The following SGTA variants were observed in gnomAD, a reference collection of about 807,000 sequenced individuals.
SGTA encodes the protein small glutamine rich tetratricopeptide repeat co-chaperone alpha.
A neutral mutation model predicts 44.3 loss-of-function variants in SGTA; 22 were observed. The ratio of observed to expected loss-of-function variants is 0.50; its 90% CI spans 0.36 to 0.71. The LOEUF is 0.71. SGTA is among the 30% of genes least tolerant of loss of function. The pLI is 0.00. For synonymous variants in SGTA, 174 were observed against 177.6 expected, an observed-to-expected ratio of 0.98 and a Z score of 0.16; for missense variants, 341 against 435.9, an observed-to-expected ratio of 0.78 and a Z score of 1.94.
chr19:2,769,741 A>C (rs1376879143), intron 1 of SGTA, among the ~76,000 whole-genome samples: 66 of 118,456 alleles, frequency 5.6e-4, no homozygotes, highest in African/African-American at 7.0e-4. Context: ...TCCACCTCAG[A>C]CCCCCCTCTA....
intron 1 of SGTA, among the ~76,000 whole-genome samples, chr19:2,778,249 G>A (rs1177261972): frequency 2.6e-5 from 4 of 152,154 alleles, no homozygotes; most frequent in Admixed American, 2.6e-4. Flanking sequence ...GGGGATGTGC[G>A]TTCCTTCGCA....
Position 2,767,043 on chromosome 19 carries a change from G to A in SGTA, c.292+93C>T, listed in dbSNP as rs937909757. ...ATCAGGGCAATTCCCTCAGCTCCCT[G>A]GGCCCCAGGGACCAGCTGGCCTCTG... On this transcript the variant is annotated intron_variant, in intron 4 of 11. Transcript: ENST00000221566. This position sits in a 1 kb window ranked among gnomAD's most constrained non-coding sequence, Gnocchi z 7.3. 8 of 921,010 alleles carry A rather than the reference G, an allele frequency of 8.7e-6. No homozygotes were observed. The highest frequency in any genetic ancestry group is 1.4e-5 in the South Asian group (1 of 71,268). The allele number at this position is 921,010 out of a possible 1,614,324, so 57.1% of individuals were successfully genotyped here.
Position 2,767,328 on chromosome 19 carries a change from C to T in SGTA, c.208-108G>A. On this transcript the variant is annotated intron_variant, in intron 3 of 11. Transcript: ENST00000221566. This position sits in a 1 kb window ranked among gnomAD's most constrained non-coding sequence, Gnocchi z 7.3. Reference sequence around the variant, plus strand: ...AGAGGGCCACCAAGTTCCGAAGGACCCGGGGGCTCTGCAGGGGACTCCTGG... The same window carrying T: ...AGAGGGCCACCAAGTTCCGAAGGACTCGGGGGCTCTGCAGGGGACTCCTGG... The T allele has an allele frequency of 1.1e-6, 1 of 888,204 alleles. No homozygotes were observed. The highest frequency in any genetic ancestry group is 1.7e-6 in the Non-Finnish European group (1 of 572,948). 55.0% of individuals were successfully genotyped at this position (888,204 alleles called of 1,614,324 possible).
At chr19:2,771,423 A>C (rs1027980069) in intron 1 of SGTA, among the ~76,000 whole-genome samples, 91 of 140,592 alleles carry the variant, frequency 6.5e-4, no homozygotes, top group Non-Finnish European at 1.1e-3. Context: ...ACTCCATGTC[A>C]AAAAAAAAAA....
intron 5 of SGTA, among the ~76,000 whole-genome samples, chr19:2,764,521 C>T (rs539158972): frequency 1.6e-4 from 25 of 152,016 alleles, no homozygotes; most frequent in African/African-American, 5.8e-4. Flanking sequence ...CCTCAGCCTC[C>T]CAGGTAGCTG....
rs573777106 is a variant in SGTA, at chr19:2,761,390, C to T, written c.699+70G>A. 23 of 1,349,470 alleles carry T rather than the reference C, an allele frequency of 1.7e-5. No individual in the cohort carries two copies. The East Asian group carries it at 3.5e-4, about 21-fold the overall frequency. The allele number at this position is 1,349,470 out of a possible 1,614,324, so 83.6% of individuals were successfully genotyped here. ...AAGGCAAGGAAGCCCTGGCCAGTAGCGGACACAGCAGATGCGGGCCTGGGG... is the reference window on the plus strand; with the variant it reads ...AAGGCAAGGAAGCCCTGGCCAGTAGTGGACACAGCAGATGCGGGCCTGGGG... On this transcript the variant is annotated intron_variant, in intron 8 of 11. Transcript: ENST00000221566. This position sits in a 1 kb window ranked among gnomAD's most constrained non-coding sequence, Gnocchi z 5.7.
At chr19:2,757,159 C>G (rs1308127928) in intron 11 of SGTA, among the ~76,000 whole-genome samples, 178 bp downstream of exon 11, 2 of 152,212 alleles carry the variant, frequency 1.3e-5, no homozygotes, top group Non-Finnish European at 2.9e-5. Context: ...GATGCCCCCA[C>G]CTGCCTGGGC....
chr19:2,782,342 G>A (rs552104614), intron 1 of SGTA, among the ~76,000 whole-genome samples: 40 of 152,284 alleles, frequency 2.6e-4, no homozygotes, highest in African/African-American at 9.4e-4. Flanking sequence ...AGAAACAAAA[G>A]AAAATGGGAC....
Position 2,761,874 on chromosome 19 carries a change from C to T in SGTA, c.637-352G>A, listed in dbSNP as rs568549189. Among the ~76,000 whole-genome samples, 9 of 146,016 alleles carry T rather than the reference C, an allele frequency of 6.2e-5. No individual in the cohort carries two copies. Among genetic ancestry groups the T allele is most frequent in the South Asian group, 2.2e-4 (1 of 4,612 alleles). On this transcript the variant is annotated intron_variant, in intron 7 of 11. Coordinates refer to ENST00000221566, the MANE Select transcript of SGTA (RefSeq NM_003021.4). This position sits in a 1 kb window ranked among gnomAD's most constrained non-coding sequence, Gnocchi z 5.7. ...CCGGGGACGGCACAGTCTATCATCC[C>T]GTGTTTATTCCCCGTACAGCGCGAC...
At chr19:2,773,511 C>T (rs368312342) in intron 1 of SGTA, among the ~76,000 whole-genome samples, 1 of 19,812 alleles carries the variant, frequency 5.0e-5, no homozygotes, top group Non-Finnish European at 7.6e-5. Context: ...AGGTGGGTGA[C>T]GCGGCCACAG....
At chr19:2,759,423 C>T in intron 8 of SGTA, 129 bp from the exon 9 acceptor site, 1 of 830,626 alleles carries the variant, frequency 1.2e-6, no homozygotes, top group Non-Finnish European at 2.0e-6. Flanking sequence ...AAGAGCCGGG[C>T]ATTCGGTCTT....
rs751458337 is a variant in SGTA at position 2,757,369 on chromosome 19, C to T, written c.916G>A (p.Ala306Thr). The change falls in exon 11 of 12, where the codon GCC becomes ACC. Residue 306 changes from alanine (A) to threonine (T), a missense_variant. Ala to Thr is a moderately conservative substitution (Grantham distance 58). Coordinates refer to ENST00000221566, the MANE Select transcript of SGTA (RefSeq NM_003021.4). ...CACTCCTGCTGGTCGTCGTTGCTGG[C>T]GCTGGGCGTCCGACTCCGGATCTGG... ...RSQIRSRTPS[A>T]SNDDQQE is the part of the protein sequence containing the mutation. The T allele has an allele frequency of 4.4e-6, 7 of 1,604,948 alleles. No homozygotes were observed. The highest frequency in any genetic ancestry group is 5.1e-6 in the Non-Finnish European group (6 of 1,179,880).
At chr19:2,774,846 C>T (rs1915407031) in intron 1 of SGTA, among the ~76,000 whole-genome samples, 1 of 152,108 alleles carries the variant, frequency 6.6e-6, no homozygotes, top group South Asian at 2.1e-4. Context: ...TTTGCTGAAG[C>T]TGTGTGCGCG....
chr19:2,759,371 T>C (rs1472379275), intron 8 of SGTA, 77 bp from the exon 9 acceptor site: 8 of 1,405,988 alleles, frequency 5.7e-6, no homozygotes, highest in Admixed American at 1.7e-5. Context: ...CTTTCCATCT[T>C]AACCAGCCTT....
chr19:2,761,557 G>A lies in SGTA; in HGVS notation c.637-35C>T, dbSNP rs942674690. 4.6e-6 allele frequency: 7 copies of A among 1,523,718 alleles called. No individual in the cohort carries two copies. The highest frequency in any genetic ancestry group is 2.0e-5 in the Admixed American group (1 of 50,952). The allele number at this position is 1,523,718 out of a possible 1,614,324, so 94.4% of individuals were successfully genotyped here. A position where few individuals can be genotyped will look rare whatever the true frequency, so the allele number is the denominator to read the frequency against. ...AGAACAGCCCTGGTTAGTGGGGCCTGGACCAGAGGCCACGGTGAATAACCC... is the reference window on the plus strand; with the variant it reads ...AGAACAGCCCTGGTTAGTGGGGCCTAGACCAGAGGCCACGGTGAATAACCC... On this transcript the variant is annotated intron_variant, in intron 7 of 11. Transcript: ENST00000221566. The surrounding 1 kb of genome is among the most constrained non-coding windows in gnomAD (Gnocchi z 5.7).
intron 1 of SGTA, among the ~76,000 whole-genome samples, chr19:2,773,931 C>G (rs71339141): frequency 2.3e-4 from 23 of 101,720 alleles, no homozygotes; most frequent in Admixed American, 2.7e-4. Flanking sequence ...CGCGGCCACA[C>G]GGCAGGGACT....
chr19:2,777,208 A>C (rs1385350594), intron 1 of SGTA, among the ~76,000 whole-genome samples: 1 of 150,900 alleles, frequency 6.6e-6, no homozygotes, highest in Non-Finnish European at 1.5e-5. Flanking sequence ...CCAAGATCGC[A>C]CTACTGTACT....
chr19:2,781,868 GTC>G (rs1282552772), intron 1 of SGTA, among the ~76,000 whole-genome samples: 2 of 150,432 alleles, frequency 1.3e-5, no homozygotes, highest in Non-Finnish European at 3.0e-5. Flanking sequence ...TTTTGACAGG[GTC>G]TCGCTCTGTC....
intron 1 of SGTA, among the ~76,000 whole-genome samples, chr19:2,774,320 G>A (rs115554248): frequency 0.019 from 2,835 of 152,230 alleles, 90 homozygotes; most frequent in African/African-American, 0.064. Context: ...GAGAACAAAC[G>A]GGCTGTCATC....
Sources: allele counts gnomAD v4.1 joint callset (sites outside exome capture counted in the v4.1 genomes callset), GRCh38; gene constraint gnomAD v4.1.1; non-coding constraint Gnocchi (gnomAD v3.1); transcripts MANE v1.5; gene names NCBI Gene and HGNC (gene_info 2026-07-23, HGNC 2026-07-21).